Variants in CDKAL1 observed in about 807,000 individuals in gnomAD.
CDKAL1 encodes CDKAL1 threonylcarbamoyladenosine tRNA methylthiotransferase, also known as threonylcarbamoyladenosine tRNA methylthiotransferase.
Under a neutral mutation model 68.2 loss-of-function variants are expected in CDKAL1, and 32 were observed. The observed-to-expected ratio is 0.47, with a 90% CI of 0.35 to 0.63. The LOEUF is 0.63. Among genes scored for constraint, CDKAL1 ranks in the 30% least tolerant of loss-of-function variants. CDKAL1 has a pLI of 0.00. For synonymous variants in CDKAL1, 234 were observed against 244.3 expected (o/e 0.96, Z 0.39); for missense variants, 606 against 696.7 (o/e 0.87, Z 1.47).
intron 12 of CDKAL1, among the ~76,000 whole-genome samples, chr6:21,098,122 C>G (rs959832796): frequency 6.6e-6 from 1 of 152,224 alleles, no homozygotes; most frequent in South Asian, 2.1e-4. Context: ...GTAAATGTGT[C>G]GAATGAATAT....
Position 21,065,164 on chromosome 6 carries a change from T to G in CDKAL1, c.1172T>G (p.Ile391Ser). 1 of 1,609,472 alleles carries G rather than the reference T, an allele frequency of 6.2e-7. No individual in the cohort carries two copies. The highest frequency in any genetic ancestry group is 8.5e-7 in the Non-Finnish European group (1 of 1,178,560). ...GAGTACAAATTCCCAAGCCTGTTTA[T>G]TAACCAATTTTACCCAAGACCAGGA... The part of the protein sequence containing the change: ...VEEYKFPSLF[I>S]NQFYPRPGTP... The change falls in exon 12 of 16, where the codon ATT (isoleucine) becomes AGT (serine). Residue 391 changes from isoleucine (I) to serine (S), a missense_variant. Transcript: ENST00000274695.
intron 13 of CDKAL1, among the ~76,000 whole-genome samples, chr6:21,126,550 T>C (rs1346539965): frequency 6.6e-6 from 1 of 152,220 alleles, no homozygotes; most frequent in Non-Finnish European, 1.5e-5. Context: ...CTGGCTCTTC[T>C]GTAAACTTCA....
intron 4 of CDKAL1, among the ~76,000 whole-genome samples, chr6:20,621,651 G>C (rs2127733445): frequency 6.6e-6 from 1 of 152,144 alleles, no homozygotes. Flanking sequence ...TATACTTTGA[G>C]TTATAATTCA....
At chr6:20,618,495 A>G (rs544232344) in intron 4 of CDKAL1, among the ~76,000 whole-genome samples, 3 of 152,240 alleles carry the variant, frequency 2.0e-5, no homozygotes, top group East Asian at 1.9e-4. Context: ...GCCCATGCCT[A>G]TGTCCTGAAT....
chr6:20,964,089 C>G (rs1324478826), intron 10 of CDKAL1, among the ~76,000 whole-genome samples: 2 of 151,592 alleles, frequency 1.3e-5, no homozygotes, highest in Non-Finnish European at 2.9e-5. Context: ...TAGAGAAATA[C>G]AAATCAAAAC....
intron 15 of CDKAL1, among the ~76,000 whole-genome samples, chr6:21,229,901 C>T (rs1310211314): frequency 2.6e-5 from 4 of 152,250 alleles, no homozygotes; most frequent in Non-Finnish European, 5.9e-5. Context: ...AGCCGGTGAA[C>T]AGAAACCACT....
chr6:21,025,031 G>A (rs925047559), intron 11 of CDKAL1, among the ~76,000 whole-genome samples: 12 of 152,162 alleles, frequency 7.9e-5, no homozygotes, highest in African/African-American at 2.7e-4. Context: ...TGTATTATCT[G>A]AACAGTACTT....
intron 15 of CDKAL1, among the ~76,000 whole-genome samples, chr6:21,229,054 C>T (rs187764459): frequency 5.9e-5 from 9 of 152,252 alleles, no homozygotes; most frequent in East Asian, 1.9e-4. Context: ...AGCAGGATAT[C>T]GGCCCGGATA....
In CDKAL1 at chr6:20,806,957, A is replaced by C. The variant is rs1210242998; in HGVS notation, c.638+25692A>C. Among the ~76,000 whole-genome samples, 4 of 152,208 alleles carry C rather than the reference A, an allele frequency of 2.6e-5. No homozygotes were observed. The East Asian group carries it at 5.8e-4, about 22-fold the overall frequency. On this transcript the variant is annotated intron_variant, in intron 8 of 15. Transcript: ENST00000274695. ...GATTTACAAATCTGTGAAAATGTAG[A>C]GTGTTTAAAGCATATGTTCATTGTA...
intron 9 of CDKAL1, among the ~76,000 whole-genome samples, chr6:20,932,915 T>G (rs933562179): frequency 6.6e-6 from 1 of 152,196 alleles, no homozygotes; most frequent in Non-Finnish European, 1.5e-5. Flanking sequence ...ATGTTTTTTG[T>G]GTTATTGAAT....
intron 8 of CDKAL1, among the ~76,000 whole-genome samples, chr6:20,844,950 G>A (rs181776992): frequency 2.8e-4 from 42 of 152,320 alleles, no homozygotes; most frequent in Non-Finnish European, 4.6e-4. Flanking sequence ...GAGGAAAAGA[G>A]TGTTAGCAGT....
intron 2 of CDKAL1, among the ~76,000 whole-genome samples, chr6:20,537,213 G>A (rs116510407): frequency 0.031 from 4,670 of 152,102 alleles, 230 homozygotes; most frequent in African/African-American, 0.11. Flanking sequence ...TCTTAATTAG[G>A]GATCTATAGT....
chr6:20,925,707 T>G (rs956814564), intron 9 of CDKAL1, among the ~76,000 whole-genome samples: 55 of 152,166 alleles, frequency 3.6e-4, no homozygotes, highest in African/African-American at 1.3e-3. Flanking sequence ...GAAATCTTCT[T>G]TTAAATAGAC....
At chr6:20,716,554 G>A (rs76702309) in intron 5 of CDKAL1, among the ~76,000 whole-genome samples, 2 of 77,676 alleles carry the variant, frequency 2.6e-5, no homozygotes, top group Admixed American at 2.3e-4. Context: ...GAGAGCAATC[G>A]GGTAACTGCT....
At chr6:20,925,384 T>C (rs1461819038) in intron 9 of CDKAL1, among the ~76,000 whole-genome samples, 10 of 152,212 alleles carry the variant, frequency 6.6e-5, no homozygotes, top group African/African-American at 2.2e-4. Context: ...TTGCACTTTT[T>C]CCCTTATTGC....
At chr6:21,054,877 C>G (rs1770743384) in intron 11 of CDKAL1, among the ~76,000 whole-genome samples, 1 of 150,750 alleles carries the variant, frequency 6.6e-6, no homozygotes, top group Non-Finnish European at 1.5e-5. Flanking sequence ...AGATTTTCTA[C>G]ATACAAGGTC....
chr6:20,893,747 C>T (rs1019568694), intron 9 of CDKAL1, among the ~76,000 whole-genome samples: 3 of 152,124 alleles, frequency 2.0e-5, no homozygotes, highest in Non-Finnish European at 4.4e-5. Flanking sequence ...AATAACAGAA[C>T]TAACTTCATA....
At chr6:20,766,728 A>G (rs567404551) in intron 7 of CDKAL1, among the ~76,000 whole-genome samples, 2 of 152,280 alleles carry the variant, frequency 1.3e-5, no homozygotes, top group African/African-American at 4.8e-5. Context: ...GTGTATTTTA[A>G]TCATTTTTAT....
intron 9 of CDKAL1, among the ~76,000 whole-genome samples, chr6:20,913,116 TACACAC>T (rs70990080): frequency 0.15 from 19,980 of 136,386 alleles, 1,673 homozygotes; most frequent in Non-Finnish European, 0.2. Flanking sequence ...CACAGTTGTT[TACACAC>T]ACACACACAC....
Sources: gnomAD v4.1 joint callset for allele counts (sites outside exome capture counted in the v4.1 genomes callset) on GRCh38, gnomAD v4.1.1 for gene constraint, MANE v1.5 for transcripts, NCBI Gene and HGNC (gene_info 2026-07-23, HGNC 2026-07-21) for gene names.